Variants in CACNA1C observed in about 807,000 individuals in gnomAD.
CACNA1C encodes the protein voltage-dependent L-type calcium channel subunit alpha-1C.
Under a neutral mutation model 229.0 loss-of-function variants are expected in CACNA1C, and 30 were observed. The ratio of observed to expected loss-of-function variants is 0.13; its 90% CI spans 0.10 to 0.18. CACNA1C has a LOEUF of 0.18. Ranked by LOEUF, CACNA1C falls within the 10% of genes least tolerant of loss-of-function variation. CACNA1C has a pLI of 1.00. For synonymous variants in CACNA1C, 1,114 were observed against 1,132.5 expected (o/e 0.98, Z 0.33); for missense variants, 1,658 against 2,845.0 (o/e 0.58, Z 9.49).
At chr12:2,154,687 C>G (rs571398670) in intron 3 of CACNA1C, among the ~76,000 whole-genome samples, 2 of 152,184 alleles carry the variant, frequency 1.3e-5, no homozygotes, top group South Asian at 4.1e-4. Context: ...AAACTGAAGC[C>G]TAGAACGCCC....
intron 3 of CACNA1C, among the ~76,000 whole-genome samples, chr12:2,206,296 G>A (rs531241213): frequency 1.3e-5 from 2 of 152,342 alleles, no homozygotes; most frequent in East Asian, 3.9e-4. Context: ...TTTCAGAAGT[G>A]CAGAGTAGTA....
intron 3 of CACNA1C, among the ~76,000 whole-genome samples, chr12:2,320,665 T>C (rs1222998889): frequency 6.6e-6 from 1 of 152,142 alleles, no homozygotes; most frequent in Non-Finnish European, 1.5e-5. Flanking sequence ...GTTCTTTCTG[T>C]GTTACTCTGG....
intron 5 of CACNA1C, among the ~76,000 whole-genome samples, chr12:2,481,929 C>T (rs756439728): frequency 7.2e-5 from 11 of 152,236 alleles, no homozygotes; most frequent in Non-Finnish European, 1.2e-4. Flanking sequence ...GAAGAAGGCC[C>T]GACACTCGCT....
chr12:2,356,071 A>G (rs940027090), intron 3 of CACNA1C, among the ~76,000 whole-genome samples: 1 of 152,212 alleles, frequency 6.6e-6, no homozygotes, highest in African/African-American at 2.4e-5. Flanking sequence ...AGTTAAATGG[A>G]ATCAAATCGA....
chr12:2,296,602 C>G (rs2094062560), intron 3 of CACNA1C, among the ~76,000 whole-genome samples: 1 of 152,240 alleles, frequency 6.6e-6, no homozygotes, highest in South Asian at 2.1e-4. Flanking sequence ...CCACTAGGCT[C>G]TCTGTCCCCA....
At chr12:2,317,234 C>T (rs118091901) in intron 3 of CACNA1C, among the ~76,000 whole-genome samples, 5 of 152,302 alleles carry the variant, frequency 3.3e-5, no homozygotes, top group East Asian at 1.9e-4. Flanking sequence ...GCATCACTCA[C>T]AAAAGCCAAA....
chr12:2,606,968 TCTC>T lies in CACNA1C; in HGVS notation c.3210-9_3210-7del, dbSNP rs2075679718. 1.2e-6 allele frequency: 2 copies of T among 1,612,496 alleles called. No individual in the cohort carries two copies. Among genetic ancestry groups the T allele is most frequent in the Non-Finnish European group, 8.5e-7 (1 of 1,178,698 alleles). On this transcript the variant is annotated splice_polypyrimidine_tract_variant and intron_variant, in intron 25 of 46. Coordinates refer to ENST00000399655, the MANE Select transcript of CACNA1C (RefSeq NM_000719.7). ...ATGGGAGATCCCAGAGTAAACTCCT[TCTC>T]CTCCTCTCTCAGGGGCAACTACATC...
At chr12:2,627,110 A>G (rs1379054266) in intron 29 of CACNA1C, among the ~76,000 whole-genome samples, 1 of 151,476 alleles carries the variant, frequency 6.6e-6, no homozygotes, top group East Asian at 2.0e-4. Context: ...CCCCCTGCCC[A>G]CTCCTGCCCT....
At chr12:2,515,553 G>A (rs2080132239) in intron 9 of CACNA1C, among the ~76,000 whole-genome samples, 1 of 152,222 alleles carries the variant, frequency 6.6e-6, no homozygotes, top group South Asian at 2.1e-4. Context: ...CAGCTCAAAA[G>A]CCAAGTCATC....
chr12:2,474,859 G>A (rs998884749), intron 5 of CACNA1C, among the ~76,000 whole-genome samples: 3 of 151,926 alleles, frequency 2.0e-5, no homozygotes, highest in Non-Finnish European at 2.9e-5. Context: ...CTGTCCTGCC[G>A]AGGACAATTA....
At chr12:1,982,804 A>G (rs1233028030) in intron 1 of CACNA1C, among the ~76,000 whole-genome samples, 1 of 152,166 alleles carries the variant, frequency 6.6e-6, no homozygotes, top group Non-Finnish European at 1.5e-5. Flanking sequence ...CCCTCATAAA[A>G]TGAGTTGGAA....
At chr12:2,465,638 G>T (rs182193849) in intron 5 of CACNA1C, among the ~76,000 whole-genome samples, 27 of 152,282 alleles carry the variant, frequency 1.8e-4, no homozygotes, top group African/African-American at 6.5e-4. Context: ...ACACCAAGAG[G>T]CAGTTTTCTA....
Position 2,691,400 on chromosome 12 carries a change from G to C in CACNA1C, c.*201G>C, listed in dbSNP as rs1177792071. On this transcript the variant is annotated 3_prime_UTR_variant, in exon 47 of 47. Transcript: ENST00000399655. ...GCCCGGCTGCGTCTGCAGAGGCGGG[G>C]AGAGGAGGCGGCGAGGGTCCCGGGG... is the stretch of plus-strand genomic sequence containing the variant. 4 of 501,214 alleles carry C rather than the reference G, an allele frequency of 8.0e-6. No homozygotes were observed. In the South Asian group the frequency reaches 2.4e-4, roughly 31 times the overall value. The allele number at this position is 501,214 out of a possible 1,614,324, so 31.0% of individuals were successfully genotyped here. A position where few individuals can be genotyped will look rare whatever the true frequency, so the allele number is the denominator to read the frequency against.
intron 3 of CACNA1C, among the ~76,000 whole-genome samples, chr12:2,421,798 C>G (rs1249826736): frequency 6.6e-6 from 1 of 152,056 alleles, no homozygotes. Flanking sequence ...GTAGTCCCAG[C>G]TACTTGGGAG....
At chr12:2,280,518 T>G (rs375601476) in intron 3 of CACNA1C, among the ~76,000 whole-genome samples, 1 of 65,548 alleles carries the variant, frequency 1.5e-5, no homozygotes, top group Non-Finnish European at 3.5e-5. Flanking sequence ...AACCTCTTGA[T>G]ACTTTGCTGT....
At chr12:1,976,942 G>C (rs572094202) in intron 1 of CACNA1C, among the ~76,000 whole-genome samples, 1 of 152,222 alleles carries the variant, frequency 6.6e-6, no homozygotes, top group East Asian at 1.9e-4. Flanking sequence ...GATTCTCATA[G>C]GGGTTTGTGA....
At chr12:2,019,305 T>C (rs2045966013) in intron 1 of CACNA1C, among the ~76,000 whole-genome samples, 2 of 151,842 alleles carry the variant, frequency 1.3e-5, no homozygotes, top group African/African-American at 4.8e-5. Flanking sequence ...CTACAAAAAA[T>C]TTTTAAAAAG....
intron 13 of CACNA1C, among the ~76,000 whole-genome samples, chr12:2,571,089 C>T (rs1268229639): frequency 6.6e-6 from 1 of 152,204 alleles, no homozygotes; most frequent in African/African-American, 2.4e-5. Context: ...CTCCCAAGTA[C>T]CTACATGAGG....
At chr12:2,435,774 C>T (rs1187542897) in intron 3 of CACNA1C, among the ~76,000 whole-genome samples, 1 of 152,222 alleles carries the variant, frequency 6.6e-6, no homozygotes, top group East Asian at 1.9e-4. Flanking sequence ...ATACAATGCA[C>T]TGTGGATAGC....
Sources: allele counts gnomAD v4.1 joint callset (sites outside exome capture counted in the v4.1 genomes callset), GRCh38; gene constraint gnomAD v4.1.1; transcripts MANE v1.5; gene names NCBI Gene and HGNC (gene_info 2026-07-23, HGNC 2026-07-21).